Variants in TMEM131 observed in about 807,000 individuals in gnomAD.
TMEM131 encodes the protein 2610524E03Rik.
Under a neutral mutation model 211.6 loss-of-function variants are expected in TMEM131, and 66 were observed. The observed-to-expected ratio is 0.31, with a 90% CI of 0.26 to 0.38. TMEM131 has a LOEUF of 0.38. TMEM131 is among the 10% of genes least tolerant of loss of function. TMEM131 has a pLI of 1.00. For synonymous variants in TMEM131, 844 were observed against 841.3 expected (o/e 1.00, Z -0.06); for missense variants, 2,036 against 2,299.3 (o/e 0.89, Z 2.34).
intron 11 of TMEM131, among the ~76,000 whole-genome samples, chr2:97,826,204 T>C (rs749798378): frequency 4.1e-4 from 62 of 152,306 alleles, no homozygotes; most frequent in Non-Finnish European, 7.6e-4. Flanking sequence ...CAACCGTACT[T>C]GAAAGTAAGC....
At chr2:97,927,213 C>A (rs1306574576) in intron 2 of TMEM131, among the ~76,000 whole-genome samples, 2 of 152,102 alleles carry the variant, frequency 1.3e-5, no homozygotes, top group Admixed American at 1.3e-4. Flanking sequence ...TTTAATACCA[C>A]AATGAGTTTG....
intron 39 of TMEM131, 176 bp from the exon 40 acceptor site, chr2:97,759,229 A>C: frequency 1.4e-6 from 1 of 715,488 alleles, no homozygotes; most frequent in Non-Finnish European, 2.3e-6. Context: ...CCAGAACTCA[A>C]ACGCATAGTG....
rs200645078 is a variant in TMEM131, at chr2:97,849,705, ATC to A, written c.484-5446_484-5445del. Among the ~76,000 whole-genome samples, 242 of 142,576 alleles carry A rather than the reference ATC, an allele frequency of 1.7e-3. 2 individuals are homozygous for A. The East Asian group carries it at 0.018, about 11-fold the overall frequency. The allele number at this position is 142,576 out of a possible 152,430, so 93.5% of individuals were successfully genotyped here. On this transcript the variant is annotated intron_variant, in intron 5 of 40. Coordinates refer to ENST00000186436, the MANE Select transcript of TMEM131 (RefSeq NM_015348.2). The stretch of plus-strand genomic sequence containing the variant: ...TATATGTGTGTGTCTGTGTGTGTAT[ATC>A]TCTCTCTCTCTTTTTTTTTTTTTTT...
intron 1 of TMEM131, among the ~76,000 whole-genome samples, chr2:97,966,178 G>T (rs547306414): frequency 6.6e-6 from 1 of 151,656 alleles, no homozygotes; most frequent in African/African-American, 2.4e-5. Flanking sequence ...TGCATACACT[G>T]AACATGTAAG....
At chr2:97,948,317 T>A (rs1040148083) in intron 1 of TMEM131, among the ~76,000 whole-genome samples, 2 of 151,992 alleles carry the variant, frequency 1.3e-5, no homozygotes, top group Non-Finnish European at 2.9e-5. Flanking sequence ...AGGACTTGTA[T>A]CCAGAATATG....
At chr2:97,992,999 A>C (rs1477974683) in intron 1 of TMEM131, among the ~76,000 whole-genome samples, 1 of 152,202 alleles carries the variant, frequency 6.6e-6, no homozygotes, top group Non-Finnish European at 1.5e-5. Flanking sequence ...TAGGATGTTA[A>C]GACAAGGAAT....
chr2:97,810,737 T>C (rs1218224744), intron 18 of TMEM131, among the ~76,000 whole-genome samples: 1 of 152,236 alleles, frequency 6.6e-6, no homozygotes, highest in Admixed American at 6.5e-5. Context: ...CATGATCTCC[T>C]GATTTTATCT....
chr2:97,938,085 T>C (rs62156507), intron 1 of TMEM131, among the ~76,000 whole-genome samples: 8,070 of 152,246 alleles, frequency 0.053, 308 homozygotes, highest in Middle Eastern at 0.12. Flanking sequence ...TGCCAAATTG[T>C]AAAGACCATC....
chr2:97,823,776 A>G (rs1682240517), intron 11 of TMEM131, among the ~76,000 whole-genome samples: 3 of 152,154 alleles, frequency 2.0e-5, no homozygotes, highest in South Asian at 4.1e-4. Flanking sequence ...GCCTTCCTCG[A>G]GCAGCTACGG....
chr2:97,758,908 CG>C lies in TMEM131; in HGVS notation c.5351del (p.Pro1784ArgfsTer126). The C allele has an allele frequency of 6.2e-7, 1 of 1,611,212 alleles. No individual in the cohort carries two copies. Among genetic ancestry groups the C allele is most frequent in the Non-Finnish European group, 8.5e-7 (1 of 1,178,596 alleles). The part of the protein sequence containing the change: ...SPSWPASSGS[P>X]THTATSVLGN... ...AAGTACTCACTGTGGCTGTGTGGGT[CG>C]GGGAGCCGGAACTGGCTGGCCAGGA... On this transcript the variant is annotated frameshift_variant, in exon 40 of 41. Coordinates refer to ENST00000186436, the MANE Select transcript of TMEM131 (RefSeq NM_015348.2). LOFTEE classifies it high-confidence loss of function.
At chr2:97,778,316 C>T (rs569540076) in intron 31 of TMEM131, among the ~76,000 whole-genome samples, 129 of 152,230 alleles carry the variant, frequency 8.5e-4, no homozygotes, top group African/African-American at 2.9e-3. Flanking sequence ...TTTGGGAGGC[C>T]GAGGAGGGCG....
At chr2:97,969,086 C>CAAAAA (rs397698283) in intron 1 of TMEM131, among the ~76,000 whole-genome samples, 1 of 140,944 alleles carries the variant, frequency 7.1e-6, no homozygotes, top group Non-Finnish European at 1.5e-5. Context: ...GACTCTGTTT[C>CAAAAA]AAAAAAAAAA....
intron 2 of TMEM131, among the ~76,000 whole-genome samples, chr2:97,921,442 A>T (rs564425211): frequency 6.6e-6 from 1 of 152,306 alleles, no homozygotes; most frequent in African/African-American, 2.4e-5. Flanking sequence ...ATAGAAAAAC[A>T]TTGAACAAGA....
At chr2:97,810,992 G>A (rs779471582) in intron 18 of TMEM131, 136 bp downstream of exon 18, 40 of 678,728 alleles carry the variant, frequency 5.9e-5, no homozygotes, top group African/African-American at 3.2e-4. Context: ...AACTATTCTC[G>A]AAAGCTCAGT....
At chr2:97,828,603 A>G (rs1054555193) in intron 11 of TMEM131, among the ~76,000 whole-genome samples, 8 of 152,306 alleles carry the variant, frequency 5.3e-5, no homozygotes, top group Non-Finnish European at 8.8e-5. Flanking sequence ...TTACTCTACA[A>G]TCCCAAATAG....
chr2:97,976,234 C>T (rs1679527962), intron 1 of TMEM131, among the ~76,000 whole-genome samples: 1 of 152,032 alleles, frequency 6.6e-6, no homozygotes, highest in Non-Finnish European at 1.5e-5. Flanking sequence ...AGAAGGTATC[C>T]AGACTGGAAA....
intron 32 of TMEM131, among the ~76,000 whole-genome samples, chr2:97,773,556 G>C (rs1679567779): frequency 2.0e-5 from 3 of 152,160 alleles, no homozygotes; most frequent in Admixed American, 2.0e-4. Flanking sequence ...CTGCCCCACG[G>C]ATTTCTGTGG....
rs1679327896 is a variant in TMEM131, at chr2:97,972,237, G to C, written c.187+23239C>G. The stretch of plus-strand genomic sequence containing the variant: ...CCAACTGGAAAAATCCAGAACTCAT[G>C]ACATACCAGAGAGACTGCTCAGGAG... On this transcript the variant is annotated intron_variant, in intron 1 of 40. Coordinates refer to ENST00000186436, the MANE Select transcript of TMEM131 (RefSeq NM_015348.2). Among the ~76,000 whole-genome samples the C allele has an allele frequency of 2.0e-5, 3 of 152,058 alleles. 1 individual carries two copies. In the South Asian group the frequency reaches 6.2e-4, roughly 32 times the overall value.
intron 4 of TMEM131, among the ~76,000 whole-genome samples, chr2:97,872,342 T>C (rs1262149344): frequency 1.3e-5 from 2 of 152,270 alleles, no homozygotes; most frequent in African/African-American, 4.8e-5. Flanking sequence ...GCCCCAATGA[T>C]GCCCCTTTAC....
Sources: allele counts gnomAD v4.1 joint callset (sites outside exome capture counted in the v4.1 genomes callset), GRCh38; gene constraint gnomAD v4.1.1; transcripts MANE v1.5; gene names NCBI Gene and HGNC (gene_info 2026-07-23, HGNC 2026-07-21).